USP10: variants seen among roughly 807,000 people sequenced by gnomAD.
USP10 encodes ubiquitin carboxyl-terminal hydrolase 10.
A neutral mutation model predicts 84.5 loss-of-function variants in USP10; 22 were observed. That is an observed-to-expected ratio of 0.26 (90% CI 0.19 to 0.37). The LOEUF (loss-of-function observed/expected upper bound fraction) is 0.37, where lower values mean the gene tolerates loss of function less well. Among genes scored for constraint, USP10 ranks in the 10% least tolerant of loss-of-function variants. The pLI is 1.00. For missense variants in USP10, 1,019 were observed against 998.9 expected (o/e 1.02, Z -0.27); for synonymous variants, 454 against 387.6 (o/e 1.17, Z -2.01).
rs763835263 is a variant in USP10, at chr16:84,744,847, C to G, written c.366C>G (p.Leu122=). The G allele has an allele frequency of 1.7e-5, 28 of 1,613,560 alleles. No individual in the cohort carries two copies. Among genetic ancestry groups the G allele is most frequent in the Non-Finnish European group, 2.2e-5 (26 of 1,179,718 alleles). The change falls in exon 4 of 14, where the codon CTC becomes CTG. Residue 122 remains leucine, a synonymous_variant. Coordinates refer to ENST00000219473, the MANE Select transcript of USP10 (RefSeq NM_005153.3). ...ACTGCCAGTACCCAGGCTCTGCCCT[C>G]GCTTTGGATGGAAGTTCTAATGTGG... ...SIDCQYPGSA[L]ALDGSSNVEA... is the part of the protein sequence containing the mutation.
At chr16:84,773,931 C>T (rs531401769) in intron 12 of USP10, among the ~76,000 whole-genome samples, 1 of 152,232 alleles carries the variant, frequency 6.6e-6, no homozygotes, top group South Asian at 2.1e-4. Context: ...TATCCGCTGC[C>T]ACCTCCAATA....
chr16:84,714,622 T>A (rs1422152328), intron 1 of USP10, among the ~76,000 whole-genome samples: 4 of 152,198 alleles, frequency 2.6e-5, no homozygotes, highest in Admixed American at 1.3e-4. Context: ...AGTTATAGTT[T>A]ATGCATACTA....
At chr16:84,714,382 G>A (rs1197508227) in intron 1 of USP10, among the ~76,000 whole-genome samples, 3 of 152,072 alleles carry the variant, frequency 2.0e-5, no homozygotes, top group Admixed American at 1.3e-4. Context: ...TGGCACAATC[G>A]TAGCTCACTC....
intron 1 of USP10, among the ~76,000 whole-genome samples, chr16:84,705,715 CTTTTTTTTTTTT>C (rs1034372044): frequency 7.0e-5 from 5 of 71,284 alleles, no homozygotes; most frequent in Non-Finnish European, 9.8e-5. Context: ...CCCTTGCTTG[CTTTTTTTTTTTT>C]TTTTTTTTTT....
At chr16:84,702,932 G>C (rs1022064932) in intron 1 of USP10, among the ~76,000 whole-genome samples, 2 of 137,888 alleles carry the variant, frequency 1.5e-5, no homozygotes, top group Non-Finnish European at 3.1e-5. Context: ...GGCGGAGGTT[G>C]CAGTGAGCCG....
intron 1 of USP10, among the ~76,000 whole-genome samples, chr16:84,715,341 G>A (rs1281800991): frequency 6.6e-6 from 1 of 152,216 alleles, no homozygotes. Flanking sequence ...TGTGTATAAT[G>A]GATAGCTAAG....
intron 4 of USP10, among the ~76,000 whole-genome samples, chr16:84,746,962 T>C (rs1911298470): frequency 1.3e-5 from 2 of 152,250 alleles, no homozygotes; most frequent in Admixed American, 1.3e-4. Flanking sequence ...AAAATTGTTT[T>C]TAACTTTTTA....
In USP10 at chr16:84,736,163, C is replaced by T. The variant is rs113223148; in HGVS notation, c.90+2660C>T. ...TTTATCTCTCAGGTAACATAATTGCCGCTCAAACATGCAGTGTTTCTACCA... is the reference window on the plus strand; with the variant it reads ...TTTATCTCTCAGGTAACATAATTGCTGCTCAAACATGCAGTGTTTCTACCA... On this transcript the variant is annotated intron_variant, in intron 2 of 13. Transcript: ENST00000219473. 9.5e-3 allele frequency among the ~76,000 whole-genome samples: 1,441 copies of T among 152,264 alleles called. 16 individuals carry two copies. Among genetic ancestry groups the T allele is most frequent in the African/African-American group, 0.032 (1,330 of 41,534 alleles).
At chr16:84,751,477 C>A (rs77676929) in intron 4 of USP10, among the ~76,000 whole-genome samples, 1 of 152,184 alleles carries the variant, frequency 6.6e-6, no homozygotes, top group Non-Finnish European at 1.5e-5. Context: ...GTTAAAAAGG[C>A]GTGGCACCTG....
intron 11 of USP10, among the ~76,000 whole-genome samples, chr16:84,769,254 C>G (rs145003350): frequency 1.3e-5 from 2 of 152,322 alleles, no homozygotes; most frequent in African/African-American, 2.4e-5. Context: ...TGGATCTATC[C>G]TTGGCTTATC....
intron 2 of USP10, among the ~76,000 whole-genome samples, chr16:84,738,241 A>G (rs1597338276): frequency 6.6e-6 from 1 of 152,220 alleles, no homozygotes; most frequent in African/African-American, 2.4e-5. Context: ...GAGAACATTG[A>G]TATAATAGTG....
chr16:84,760,558 C>T (rs1442534531), intron 8 of USP10, among the ~76,000 whole-genome samples: 1 of 152,186 alleles, frequency 6.6e-6, no homozygotes, highest in Non-Finnish European at 1.5e-5. Flanking sequence ...ATGTACATGG[C>T]AGAACCCAGC....
chr16:84,715,959 G>T (rs1421704604), intron 1 of USP10, among the ~76,000 whole-genome samples: 2 of 152,192 alleles, frequency 1.3e-5, no homozygotes, highest in Non-Finnish European at 2.9e-5. Flanking sequence ...GAGAGTGAGT[G>T]TGCATCCCAG....
At chr16:84,762,066 A>C (rs1025973831) in intron 8 of USP10, among the ~76,000 whole-genome samples, 3 of 152,272 alleles carry the variant, frequency 2.0e-5, no homozygotes, top group African/African-American at 7.2e-5. Flanking sequence ...TGAAGAATGA[A>C]ATATGAACTG....
At chr16:84,775,368 G>A (rs541115619) in intron 13 of USP10, 143 bp downstream of exon 13, 65 of 733,396 alleles carry the variant, frequency 8.9e-5, no homozygotes, top group Admixed American at 2.9e-4. Context: ...GGGGAGTCAC[G>A]TGAGAGTTTT....
At chr16:84,704,266 C>T (rs149205838) in intron 1 of USP10, among the ~76,000 whole-genome samples, 12 of 152,302 alleles carry the variant, frequency 7.9e-5, no homozygotes, top group African/African-American at 2.6e-4. Context: ...TTGCTGAGGA[C>T]ACTTATTACT....
chr16:84,736,649 C>G (rs1250021732), intron 2 of USP10, among the ~76,000 whole-genome samples: 1 of 152,210 alleles, frequency 6.6e-6, no homozygotes. Flanking sequence ...TCCAGAATCT[C>G]AGCTTTGGAA....
intron 4 of USP10, among the ~76,000 whole-genome samples, chr16:84,753,162 A>G (rs750248732): frequency 3.9e-4 from 59 of 151,938 alleles, no homozygotes; most frequent in Non-Finnish European, 1.0e-4. Context: ...TTTATTTTTC[A>G]TAGCAACAGA....
At chr16:84,710,138 C>T (rs1257696991) in intron 1 of USP10, among the ~76,000 whole-genome samples, 3 of 152,048 alleles carry the variant, frequency 2.0e-5, no homozygotes, top group East Asian at 1.9e-4. Flanking sequence ...GGCGTGGTGG[C>T]GCATGTCTGT....
Sources: gnomAD v4.1 joint callset for allele counts (sites outside exome capture counted in the v4.1 genomes callset) on GRCh38, gnomAD v4.1.1 for gene constraint, MANE v1.5 for transcripts, NCBI Gene and HGNC (gene_info 2026-07-23, HGNC 2026-07-21) for gene names.